The following SYT12 variants were observed in gnomAD, a reference collection of about 807,000 sequenced individuals.
SYT12 encodes the protein synaptotagmin-12.
In SYT12, 27 loss-of-function variants were observed where a neutral mutation model predicts 39.5. The observed-to-expected ratio is 0.68, with a 90% CI of 0.50 to 0.94. The LOEUF (loss-of-function observed/expected upper bound fraction) is 0.94, where lower values mean the gene tolerates loss of function less well. Ranked by LOEUF, SYT12 falls within the 40% of genes least tolerant of loss-of-function variation. The pLI, the probability that SYT12 is intolerant of heterozygous loss-of-function variation, is 0.00. For synonymous variants in SYT12, 233 were observed against 239.7 expected, an observed-to-expected ratio of 0.97 and a Z score of 0.26; for missense variants, 536 against 572.6, an observed-to-expected ratio of 0.94 and a Z score of 0.65.
At position 67,044,656 on chromosome 11, in the gene SYT12, A is replaced by C. The variant is rs1326832236; in HGVS notation, c.901A>C (p.Thr301Pro). The part of the protein sequence containing the change: ...LSYLPTAERL[T>P]VVVVKAKNLI... ...CTACCTCCCCACAGCCGAGCGCCTCACCGTGGTCGTGGTTAAGGCCAAGAA... is the reference window on the plus strand; with the variant it reads ...CTACCTCCCCACAGCCGAGCGCCTCCCCGTGGTCGTGGTTAAGGCCAAGAA... Residue 301 changes from threonine to proline, a missense_variant, in exon 6 of 8, where the codon ACC (threonine) becomes CCC (proline). Coordinates refer to ENST00000527043, the MANE Select transcript of SYT12 (RefSeq NM_177963.4). The C allele has an allele frequency of 6.2e-7, 1 of 1,613,576 alleles. No homozygotes were observed. Among genetic ancestry groups the C allele is most frequent in the Non-Finnish European group, 8.5e-7 (1 of 1,179,972 alleles).
intron 1 of SYT12, among the ~76,000 whole-genome samples, chr11:67,026,032 G>A (rs1490185278): frequency 1.3e-5 from 2 of 151,942 alleles, no homozygotes; most frequent in Non-Finnish European, 2.9e-5. Flanking sequence ...ATTCCAGCCT[G>A]GGTGAAAGAG....
upstream of SYT12, among the ~76,000 whole-genome samples, chr11:67,021,364 G>A (rs1474341856): frequency 2.7e-5 from 4 of 150,636 alleles, no homozygotes; most frequent in African/African-American, 7.4e-5. Context: ...TTGCTCTGCT[G>A]CCCAGGCCAA....
At chr11:67,019,513 C>T (rs1057321701), upstream of SYT12, among the ~76,000 whole-genome samples, 23 of 151,848 alleles carry the variant, frequency 1.5e-4, no homozygotes, top group Admixed American at 7.2e-4. Context: ...CTTACTACCA[C>T]GAGAACAGTA....
chr11:67,021,723 AAAATGGACTC>A (rs1276872003), upstream of SYT12: 11 of 152,206 alleles, frequency 7.2e-5, no homozygotes, highest in Admixed American at 3.3e-4. Flanking sequence ...TCCTGCGAAG[AAAATGGACTC>A]AAATGGACTC....
rs1456715246 is a variant in SYT12, at chr11:67,029,926, T to C, written c.-23-196T>C. On this transcript the variant is annotated intron_variant, in intron 1 of 7. Coordinates refer to ENST00000527043, the MANE Select transcript of SYT12 (RefSeq NM_177963.4). ...CATCCTGTGTTTTATCTGGCAATCCTGAGAAGAGTCTTAGAATGCTTGAAA... is the reference window on the plus strand; with the variant it reads ...CATCCTGTGTTTTATCTGGCAATCCCGAGAAGAGTCTTAGAATGCTTGAAA... 3.6e-5 allele frequency: 19 copies of C among 527,272 alleles called. No homozygotes were observed. The East Asian group carries it at 6.0e-4, about 17-fold the overall frequency. 32.7% of individuals were successfully genotyped at this position (527,272 alleles called of 1,614,324 possible).
intron 3 of SYT12, among the ~76,000 whole-genome samples, chr11:67,012,112 T>G (rs922895853): frequency 2.7e-5 from 4 of 149,190 alleles, no homozygotes; most frequent in African/African-American, 9.8e-5. Context: ...GGCTCACACC[T>G]GTAAGCCCAG....
upstream of SYT12, among the ~76,000 whole-genome samples, chr11:67,022,324 G>A (rs1216375035): frequency 6.6e-6 from 1 of 152,086 alleles, no homozygotes; most frequent in Non-Finnish European, 1.5e-5. Flanking sequence ...TGGGATCCTC[G>A]CCCCTCTTCC....
chr11:67,030,749 C>G (rs1469891544), intron 2 of SYT12: 1 of 152,398 alleles, frequency 6.6e-6, no homozygotes, highest in Non-Finnish European at 1.5e-5. Flanking sequence ...TTTGCCTCAG[C>G]AGGGAGATGG....
chr11:67,043,926 A>G (rs1389816412), intron 5 of SYT12, 73 bp downstream of exon 5: 4 of 1,312,542 alleles, frequency 3.0e-6, no homozygotes, highest in East Asian at 2.4e-5. Flanking sequence ...GGACTCCATC[A>G]TCCTCATCAT....
At chr11:67,007,646 C>G (rs1369726779) in intron 1 of SYT12, among the ~76,000 whole-genome samples, 1 of 152,180 alleles carries the variant, frequency 6.6e-6, no homozygotes, top group East Asian at 1.9e-4. Context: ...CTCACTGCAA[C>G]CTCCGCCTCC....
rs943716299 is a variant in SYT12 at position 67,044,593 on chromosome 11, G to T, written c.838G>T (p.Ala280Ser). The change falls in exon 6 of 8, where the codon GCC becomes TCC. Residue 280 changes from alanine (A) to serine (S), a missense_variant and splice_region_variant. By Grantham distance (99) the Ala-to-Ser change is moderately conservative. Coordinates refer to ENST00000527043, the MANE Select transcript of SYT12 (RefSeq NM_177963.4). ...GWLYLQDQNKAADAVGEILLS... is the reference protein window; with the variant it reads ...GWLYLQDQNKSADAVGEILLS... ...TCTGAGCCACCTGTCTGTCCCCCAG[G>T]CCGCCGATGCTGTGGGGGAGATCCT... 1 of 1,612,182 alleles carries T rather than the reference G, an allele frequency of 6.2e-7. No homozygotes were observed. The highest frequency in any genetic ancestry group is 1.1e-5 in the South Asian group (1 of 90,746).
chr11:67,040,167 C>G lies in SYT12; in HGVS notation c.585C>G (p.Ser195Arg), dbSNP rs766418390. 2.5e-5 allele frequency: 40 copies of G among 1,594,634 alleles called. No individual in the cohort carries two copies. Among genetic ancestry groups the G allele is most frequent in the Non-Finnish European group, 3.4e-5 (40 of 1,167,724 alleles). Reference sequence around the variant, plus strand: ...TCGAGTCCTGCTTCATGCGCGTCAGCCTGCTGCCGGACGAGCAGATCGTGG... The same window carrying G: ...TCGAGTCCTGCTTCATGCGCGTCAGGCTGCTGCCGGACGAGCAGATCGTGG... The part of the protein sequence containing the change: ...ASFESCFMRV[S>R]LLPDEQIVGI... Residue 195 changes from serine (S) to arginine (R), a missense_variant, in exon 4 of 8, where the codon AGC (serine) becomes AGG (arginine). Ser to Arg is a moderately radical substitution (Grantham distance 110). Transcript: ENST00000527043.
intron 3 of SYT12, among the ~76,000 whole-genome samples, chr11:67,035,224 G>T (rs1950336222): frequency 6.6e-6 from 1 of 151,448 alleles, no homozygotes; most frequent in South Asian, 2.1e-4. Flanking sequence ...GGTCAGGCTG[G>T]TGTCGAACTC....
At chr11:67,007,199 A>T (rs1234581805) in exon 1 of SYT12, 1 of 152,396 alleles carries the variant, frequency 6.6e-6, no homozygotes, top group Non-Finnish European at 1.5e-5. Flanking sequence ...AGGCCGAAGG[A>T]ACCACAGCAG....
intron 3 of SYT12, among the ~76,000 whole-genome samples, chr11:67,015,484 C>T (rs996458998): frequency 6.6e-6 from 1 of 151,428 alleles, no homozygotes; most frequent in Non-Finnish European, 1.5e-5. Flanking sequence ...GGGGTTGTGG[C>T]ATGATGGGAG....
At chr11:67,037,897 G>A (rs117265172) in intron 3 of SYT12, among the ~76,000 whole-genome samples, 22 of 135,964 alleles carry the variant, frequency 1.6e-4, no homozygotes, top group Admixed American at 3.0e-4. Flanking sequence ...AAAAAAAAAA[G>A]AAAAAAAAAA....
At chr11:67,042,629 T>C (rs914647635) in intron 4 of SYT12, among the ~76,000 whole-genome samples, 1 of 152,132 alleles carries the variant, frequency 6.6e-6, no homozygotes, top group African/African-American at 2.4e-5. Context: ...AATGGCTGGT[T>C]GGGGAGCCCA....
chr11:67,044,536 C>A, intron 5 of SYT12, 57 bp from the exon 6 acceptor site: 2 of 1,587,360 alleles, frequency 1.3e-6, no homozygotes, highest in South Asian at 1.2e-5. Context: ...AAGGCTTTCC[C>A]TGGACCCCTC....
chr11:67,045,181 G>T (rs1950592378), intron 6 of SYT12, among the ~76,000 whole-genome samples: 1 of 151,802 alleles, frequency 6.6e-6, no homozygotes, highest in Non-Finnish European at 1.5e-5. Context: ...GGAGTCCCCA[G>T]TCCCTCTCAA....
Sources: allele counts gnomAD v4.1 joint callset (sites outside exome capture counted in the v4.1 genomes callset), GRCh38; gene constraint gnomAD v4.1.1; transcripts MANE v1.5; gene names NCBI Gene and HGNC (gene_info 2026-07-23, HGNC 2026-07-21).